The following GNA13 variants were observed in gnomAD, a reference collection of about 807,000 sequenced individuals.
GNA13 encodes the protein guanine nucleotide-binding protein subunit alpha-13.
In GNA13, 4 loss-of-function variants were observed where a neutral mutation model predicts 33.5. That is an observed-to-expected ratio of 0.12 (90% CI 0.06 to 0.27). The LOEUF (loss-of-function observed/expected upper bound fraction) is 0.27, where lower values mean the gene tolerates loss of function less well. Among genes scored for constraint, GNA13 ranks in the 10% least tolerant of loss-of-function variants. The pLI, the probability that GNA13 is intolerant of heterozygous loss-of-function variation, is 1.00. For missense variants in GNA13, 319 were observed against 487.2 expected (o/e 0.65, Z 3.25); for synonymous variants, 176 against 183.8 (o/e 0.96, Z 0.34).
intron 2 of GNA13, among the ~76,000 whole-genome samples, chr17:65,044,408 G>A (rs1907579217): frequency 6.6e-6 from 1 of 152,062 alleles, no homozygotes; most frequent in Admixed American, 6.6e-5. Context: ...ATATAGCTAG[G>A]GAAAAACGAA....
intron 2 of GNA13, among the ~76,000 whole-genome samples, chr17:65,034,779 G>C (rs974753930): frequency 1.3e-5 from 2 of 152,078 alleles, no homozygotes; most frequent in Non-Finnish European, 2.9e-5. Flanking sequence ...CATATGTTTA[G>C]TATTTATTTT....
In GNA13 at chr17:65,037,778, G is replaced by GA. The variant is rs71158360; in HGVS notation, c.510+15723dup. ...GAGAGACCCAGCCTCTACAAAAATG[G>GA]AAAAAAAAAAAAAAAAAAAAAAGAC... On this transcript the variant is annotated intron_variant, in intron 2 of 3. Coordinates refer to ENST00000439174, the MANE Select transcript of GNA13 (RefSeq NM_006572.6). Among the ~76,000 whole-genome samples the GA allele has an allele frequency of 1.8e-3, 176 of 99,142 alleles. 8 individuals are homozygous for GA. Among genetic ancestry groups the GA allele is most frequent in the African/African-American group, 6.6e-3 (170 of 25,874 alleles). 65.0% of individuals were successfully genotyped at this position (99,142 alleles called of 152,430 possible).
Position 65,014,918 on chromosome 17 carries a change from T to C in GNA13, c.562-89A>G, listed in dbSNP as rs567384778. 130 of 712,608 alleles carry C rather than the reference T, an allele frequency of 1.8e-4. No homozygotes were observed. In the African/African-American group the frequency reaches 1.8e-3, roughly 10 times the overall value. 44.1% of individuals were successfully genotyped at this position (712,608 alleles called of 1,614,324 possible). On this transcript the variant is annotated intron_variant, in intron 3 of 3. Transcript: ENST00000439174. The surrounding 1 kb of genome is among the most constrained non-coding windows in gnomAD (Gnocchi z 5.3). ...TACTAACTGGACTAGTGAATAGATATGCAAACAAAATGATCTTTTAAGTGA... is the reference window on the plus strand; with the variant it reads ...TACTAACTGGACTAGTGAATAGATACGCAAACAAAATGATCTTTTAAGTGA...
intron 1 of GNA13, among the ~76,000 whole-genome samples, chr17:65,054,034 C>G (rs1907951009): frequency 6.6e-6 from 1 of 152,154 alleles, no homozygotes; most frequent in Non-Finnish European, 1.5e-5. Context: ...AAAAAACAAT[C>G]TAACTCAAGA....
Position 65,010,290 on chromosome 17 carries a change from A to G in GNA13, c.*3967T>C, listed in dbSNP as rs1375547862. Among the ~76,000 whole-genome samples the G allele has an allele frequency of 6.6e-6, 1 of 152,142 alleles. No individual in the cohort carries two copies. Among genetic ancestry groups the G allele is most frequent in the African/African-American group, 2.4e-5 (1 of 41,420 alleles). ...TAGTATCTACTTGATGGAACTTGAA[A>G]AAGCCATAAAGTCCAACTTGTTTAA... is the stretch of plus-strand genomic sequence containing the variant. On this transcript the variant is annotated 3_prime_UTR_variant, in exon 4 of 4. Transcript: ENST00000439174.
At chr17:65,042,184 C>G (rs1235262599) in intron 2 of GNA13, among the ~76,000 whole-genome samples, 3 of 151,894 alleles carry the variant, frequency 2.0e-5, no homozygotes. Flanking sequence ...AATGGAGAAA[C>G]CTTGTCTCTA....
At chr17:65,041,302 T>C (rs1907443967) in intron 2 of GNA13, among the ~76,000 whole-genome samples, 1 of 152,232 alleles carries the variant, frequency 6.6e-6, no homozygotes, top group South Asian at 2.1e-4. Context: ...CATTGTTTTA[T>C]GTTTTTTGGG....
At chr17:65,019,262 A>G (rs1165395956) in intron 2 of GNA13, among the ~76,000 whole-genome samples, 3 of 152,072 alleles carry the variant, frequency 2.0e-5, no homozygotes, top group Non-Finnish European at 4.4e-5. Context: ...GCAGTTCTAT[A>G]ATTTTTTGGT....
intron 2 of GNA13, among the ~76,000 whole-genome samples, chr17:65,036,364 C>T (rs1304901044): frequency 1.3e-5 from 2 of 152,216 alleles, no homozygotes; most frequent in South Asian, 2.1e-4. Flanking sequence ...GTATCAGCCT[C>T]GGGCTTTGGA....
chr17:65,029,804 T>G (rs768931556), intron 2 of GNA13, among the ~76,000 whole-genome samples: 24 of 152,222 alleles, frequency 1.6e-4, no homozygotes, highest in Non-Finnish European at 4.4e-5. Flanking sequence ...TATGACATCC[T>G]GTTTCCATCT....
Position 65,013,057 on chromosome 17 carries a change from A to C in GNA13, c.*1200T>G, listed in dbSNP as rs896643370. The C allele has an allele frequency of 9.4e-6, 2 of 212,182 alleles. No homozygotes were observed. The highest frequency in any genetic ancestry group is 2.3e-5 in the African/African-American group (1 of 44,132). The allele number at this position is 212,182 out of a possible 1,614,324, so 13.1% of individuals were successfully genotyped here. On this transcript the variant is annotated 3_prime_UTR_variant, in exon 4 of 4. Coordinates refer to ENST00000439174, the MANE Select transcript of GNA13 (RefSeq NM_006572.6). The stretch of plus-strand genomic sequence containing the variant: ...TAAAAAAATTACTACTGATCCTTAG[A>C]AGCATCCTTAAAACATTTAAAATAT...
intron 2 of GNA13, among the ~76,000 whole-genome samples, chr17:65,024,363 ACT>A (rs968568499): frequency 7.9e-5 from 12 of 152,230 alleles, no homozygotes; most frequent in East Asian, 5.8e-4. Context: ...TTTGCAACTG[ACT>A]CTGACAAAAA....
intron 2 of GNA13, among the ~76,000 whole-genome samples, chr17:65,026,808 C>T (rs936676113): frequency 6.6e-6 from 1 of 152,216 alleles, no homozygotes; most frequent in Admixed American, 6.5e-5. Flanking sequence ...GACGGAGTTT[C>T]GCTCTTGTTG....
intron 2 of GNA13, among the ~76,000 whole-genome samples, chr17:65,021,083 T>C (rs1906565528): frequency 6.6e-6 from 1 of 152,248 alleles, no homozygotes. Context: ...TCTAGGTTAC[T>C]GTAGTAAGGC....
rs921044570 is a variant in GNA13, at chr17:65,016,248, C to T, written c.562-1419G>A. Reference sequence around the variant, plus strand: ...AATCAAGGCAGGATTTAAAACAATGCTGTTATTCACAATGCTGCACTTTAT... The same window carrying T: ...AATCAAGGCAGGATTTAAAACAATGTTGTTATTCACAATGCTGCACTTTAT... On this transcript the variant is annotated intron_variant, in intron 3 of 3. Transcript: ENST00000439174. Among the ~76,000 whole-genome samples the T allele has an allele frequency of 4.6e-5, 7 of 152,198 alleles. No individual in the cohort carries two copies. The East Asian group carries it at 1.2e-3, about 25-fold the overall frequency.
chr17:65,043,419 T>C (rs1240910859), intron 2 of GNA13, among the ~76,000 whole-genome samples: 1 of 151,962 alleles, frequency 6.6e-6, no homozygotes, highest in Non-Finnish European at 1.5e-5. Context: ...CCCGAGTAGC[T>C]GGGACCACAG....
intron 2 of GNA13, among the ~76,000 whole-genome samples, chr17:65,035,480 T>C (rs948495668): frequency 3.3e-5 from 5 of 152,206 alleles, no homozygotes; most frequent in African/African-American, 1.2e-4. Flanking sequence ...AGAGATGTCC[T>C]GAGGTGGTAG....
intron 2 of GNA13, among the ~76,000 whole-genome samples, chr17:65,031,609 A>G (rs1567821704): frequency 6.6e-6 from 1 of 152,154 alleles, no homozygotes; most frequent in Admixed American, 6.5e-5. Context: ...TATACCTATA[A>G]TATACTTTTA....
intron 3 of GNA13, among the ~76,000 whole-genome samples, chr17:65,017,369 T>A (rs184899381): frequency 6.6e-6 from 1 of 151,914 alleles, no homozygotes; most frequent in African/African-American, 2.4e-5. Context: ...CAGAGCAGAG[T>A]ATGTTGATGA....
Sources: gnomAD v4.1 joint callset for allele counts (sites outside exome capture counted in the v4.1 genomes callset) on GRCh38, gnomAD v4.1.1 for gene constraint, Gnocchi (gnomAD v3.1) non-coding constraint, MANE v1.5 for transcripts, NCBI Gene and HGNC (gene_info 2026-07-23, HGNC 2026-07-21) for gene names.